Variants in GRK4 observed in about 807,000 individuals in gnomAD.
GRK4 encodes G protein-coupled receptor kinase 4, also known as G protein-coupled receptor kinase 2-like.
Under a neutral mutation model 77.9 loss-of-function variants are expected in GRK4, and 73 were observed. The observed-to-expected ratio is 0.94, with a 90% CI of 0.78 to 1.14. The LOEUF (loss-of-function observed/expected upper bound fraction) is 1.14. Ranked by LOEUF, GRK4 falls within the 50% of genes most tolerant of loss-of-function variation. GRK4 has a pLI of 0.00. For synonymous variants in GRK4, 257 were observed against 254.4 expected, an observed-to-expected ratio of 1.01 and a Z score of -0.10; for missense variants, 729 against 700.2, an observed-to-expected ratio of 1.04 and a Z score of -0.46.
At chr4:2,990,508 C>T (rs543585626) in intron 3 of GRK4, among the ~76,000 whole-genome samples, 17 of 152,140 alleles carry the variant, frequency 1.1e-4, no homozygotes, top group Admixed American at 2.0e-4. Flanking sequence ...CTGCCCGTCT[C>T]GGCCTCCCAA....
At position 3,027,958 on chromosome 4, in the gene GRK4, A is replaced by G. The variant is rs370820505; in HGVS notation, c.1017A>G (p.Glu339=). The change falls in exon 11 of 16, where the codon GAA becomes GAG. Residue 339 remains glutamate (E), a synonymous_variant. Coordinates refer to ENST00000398052, the MANE Select transcript of GRK4 (RefSeq NM_182982.3). The part of the protein sequence containing the change: ...SDLGLATEIP[E]GQRVRGRVGT... ...TCGGTTTGGCCACAGAGATCCCAGAAGGACAGAGGGTTCGAGGAAGAGTTG... is the reference window on the plus strand; with the variant it reads ...TCGGTTTGGCCACAGAGATCCCAGAGGGACAGAGGGTTCGAGGAAGAGTTG... 4.3e-6 allele frequency: 7 copies of G among 1,613,972 alleles called. No homozygotes were observed. Among genetic ancestry groups the G allele is most frequent in the Non-Finnish European group, 5.9e-6 (7 of 1,180,010 alleles).
At chr4:2,965,883 C>A in intron 1 of GRK4, 1 of 202,214 alleles carries the variant, frequency 4.9e-6, no homozygotes, top group Non-Finnish European at 1.0e-5. Flanking sequence ...CTGTGAACTC[C>A]AAATAGGTCA....
intron 15 of GRK4, 91 bp from the exon 16 acceptor site, chr4:3,040,481 C>G: frequency 1.1e-6 from 1 of 911,860 alleles, no homozygotes; most frequent in Non-Finnish European, 1.6e-6. Context: ...AAGCACCCCC[C>G]ACCCAAAAGT....
chr4:2,975,003 C>G (rs1720686486), intron 1 of GRK4, among the ~76,000 whole-genome samples: 1 of 152,146 alleles, frequency 6.6e-6, no homozygotes, highest in African/African-American at 2.4e-5. Flanking sequence ...ATCCTAATCT[C>G]CCTTCAAAGA....
intron 4 of GRK4, among the ~76,000 whole-genome samples, chr4:3,002,550 C>T (rs944846141): frequency 2.0e-5 from 3 of 152,120 alleles, no homozygotes; most frequent in Non-Finnish European, 2.9e-5. Context: ...GTCAGGAGTT[C>T]GAAATTAGCC....
intron 13 of GRK4, among the ~76,000 whole-genome samples, chr4:3,036,185 T>C (rs1369813964): frequency 6.6e-6 from 1 of 152,216 alleles, no homozygotes; most frequent in Non-Finnish European, 1.5e-5. Context: ...CCCACAGCCG[T>C]GAGGCCCTGC....
chr4:3,029,751 G>A (rs1236630404), intron 12 of GRK4, among the ~76,000 whole-genome samples: 3 of 151,974 alleles, frequency 2.0e-5, no homozygotes, highest in East Asian at 1.9e-4. Flanking sequence ...GGAGGCTCAC[G>A]TCAACCTGTC....
chr4:3,009,708 A>G lies in GRK4; in HGVS notation c.597A>G (p.Gly199=), dbSNP rs747494410. The change falls in exon 7 of 16, where the codon GGA becomes GGG. Residue 199 remains glycine (G), a synonymous_variant. Transcript: ENST00000398052. Reference sequence around the variant, plus strand: ...GAGTTCTAGGAAAAGGCGGATTTGGAGAGGTGAGTAACGGGAGCCAGTTCA... The same window carrying G: ...GAGTTCTAGGAAAAGGCGGATTTGGGGAGGTGAGTAACGGGAGCCAGTTCA... The part of the protein sequence containing the change: ...HYRVLGKGGF[G]EVCACQVRAT... The G allele has an allele frequency of 6.2e-7, 1 of 1,613,116 alleles. No homozygotes were observed. The highest frequency in any genetic ancestry group is 8.5e-7 in the Non-Finnish European group (1 of 1,179,232).
intron 4 of GRK4, among the ~76,000 whole-genome samples, chr4:2,994,802 T>G (rs1269884332): frequency 6.6e-6 from 1 of 152,122 alleles, no homozygotes; most frequent in Non-Finnish European, 1.5e-5. Context: ...CTATTTTAAG[T>G]TCGGGGGTAC....
At position 2,963,983 on chromosome 4, in the gene GRK4, A is replaced by G. The variant is rs1245734236; in HGVS notation, c.-88A>G. 6 of 1,192,252 alleles carry G rather than the reference A, an allele frequency of 5.0e-6. No individual in the cohort carries two copies. In the East Asian group the frequency reaches 1.2e-4, roughly 24 times the overall value. The allele number at this position is 1,192,252 out of a possible 1,614,324, so 73.9% of individuals were successfully genotyped here. On this transcript the variant is annotated 5_prime_UTR_variant, in exon 1 of 16. The change abolishes an upstream ATG in the 5' untranslated region. Transcript: ENST00000398052. ...AGGAGAGGGTGGTGCCCGGCGAGCT[A>G]TGCACGGGGGCGGCGGCGTCTCCTC...
At chr4:2,987,926 A>C (rs1182544007) in intron 2 of GRK4, among the ~76,000 whole-genome samples, 1 of 151,870 alleles carries the variant, frequency 6.6e-6, no homozygotes, top group Non-Finnish European at 1.5e-5. Context: ...AAATACAAAA[A>C]TTACTTGGGT....
intron 10 of GRK4, among the ~76,000 whole-genome samples, chr4:3,025,826 T>C (rs1737368599): frequency 6.6e-6 from 1 of 152,258 alleles, no homozygotes; most frequent in Non-Finnish European, 1.5e-5. Context: ...TTAACTCATA[T>C]TTCATTCCTT....
At chr4:2,964,146 GA>G (rs1716615286) in intron 1 of GRK4, 24 bp downstream of exon 1, 12 of 1,258,356 alleles carry the variant, frequency 9.5e-6, no homozygotes, top group Admixed American at 4.8e-5. Flanking sequence ...AGGCGCCCCC[GA>G]CCCCCCCCCC....
rs569882076 is a variant in GRK4 at position 2,991,665 on chromosome 4, C to T, written c.262-550C>T. On this transcript the variant is annotated intron_variant, in intron 3 of 15. Coordinates refer to ENST00000398052, the MANE Select transcript of GRK4 (RefSeq NM_182982.3). ...TAGCTAGGATTACAGGTATGCGCCA[C>T]CACACCCAGCTAATTTTTGTAATTT... Among the ~76,000 whole-genome samples the T allele has an allele frequency of 2.8e-4, 42 of 152,224 alleles. 1 individual carries two copies. Among genetic ancestry groups the T allele is most frequent in the Non-Finnish European group, 5.9e-4 (40 of 68,018 alleles).
At chr4:3,033,375 CAGA>C (rs1739696889) in intron 12 of GRK4, among the ~76,000 whole-genome samples, 1 of 152,188 alleles carries the variant, frequency 6.6e-6, no homozygotes, top group Non-Finnish European at 1.5e-5. Context: ...TCATCACCTC[CAGA>C]AGGTCCCACC....
intron 12 of GRK4, among the ~76,000 whole-genome samples, chr4:3,030,899 C>G (rs564734092): frequency 1.8e-4 from 28 of 152,240 alleles, no homozygotes; most frequent in African/African-American, 6.7e-4. Flanking sequence ...CTGGGCTTGC[C>G]GGCCACTGGG....
intron 1 of GRK4, among the ~76,000 whole-genome samples, chr4:2,976,631 C>CTTTTTTTTT (rs769469513): frequency 7.7e-4 from 90 of 117,322 alleles, no homozygotes; most frequent in Non-Finnish European, 9.6e-4. Context: ...TTCTTTCTTT[C>CTTTTTTTTT]TTTTTTTTTT....
intron 14 of GRK4, 119 bp from the exon 15 acceptor site, chr4:3,038,257 G>A: frequency 8.0e-7 from 1 of 1,256,614 alleles, no homozygotes; most frequent in East Asian, 2.3e-5. Context: ...CCCCACAGTG[G>A]GTGCAGGAGC....
intron 4 of GRK4, among the ~76,000 whole-genome samples, chr4:3,000,387 A>G (rs1455307154): frequency 1.3e-5 from 2 of 152,194 alleles, no homozygotes; most frequent in Non-Finnish European, 2.9e-5. Context: ...CCTGCTATTT[A>G]GTTTCAGAAA....
Sources: gnomAD v4.1 joint callset for allele counts (sites outside exome capture counted in the v4.1 genomes callset) on GRCh38, gnomAD v4.1.1 for gene constraint, MANE v1.5 for transcripts, NCBI Gene and HGNC (gene_info 2026-07-23, HGNC 2026-07-21) for gene names.